IMMP2L: variants seen among roughly 807,000 people sequenced by gnomAD.
IMMP2L encodes the protein mitochondrial inner membrane protease subunit 2.
IMMP2L carries 18 observed loss-of-function variants against 19.3 expected under a neutral mutation model. The ratio of observed to expected loss-of-function variants is 0.93; its 90% CI spans 0.64 to 1.38. The LOEUF is 1.38. Among genes scored for constraint, IMMP2L ranks in the 40% most tolerant of loss-of-function variants. The pLI, the probability that IMMP2L is intolerant of heterozygous loss-of-function variation, is 0.00. For synonymous variants in IMMP2L, 76 were observed against 73.0 expected (o/e 1.04, Z -0.21); for missense variants, 233 against 218.2 (o/e 1.07, Z -0.43).
At chr7:111,108,155 AG>A (rs1798762177) in intron 3 of IMMP2L, among the ~76,000 whole-genome samples, 1 of 152,282 alleles carries the variant, frequency 6.6e-6, no homozygotes, top group East Asian at 1.9e-4. Flanking sequence ...AAAACCTCAC[AG>A]ATTGTTGATG....
intron 3 of IMMP2L, among the ~76,000 whole-genome samples, chr7:111,042,875 G>A (rs1445585786): frequency 1.3e-5 from 2 of 152,198 alleles, no homozygotes; most frequent in Non-Finnish European, 1.5e-5. Flanking sequence ...AAGGCTATAT[G>A]TCTTGAAAGG....
intron 5 of IMMP2L, among the ~76,000 whole-genome samples, chr7:110,804,528 C>G (rs975764235): frequency 3.3e-5 from 5 of 152,030 alleles, no homozygotes; most frequent in African/African-American, 1.2e-4. Context: ...CTGTGGCACA[C>G]TACTAGCTGT....
intron 3 of IMMP2L, among the ~76,000 whole-genome samples, chr7:111,126,150 G>A (rs1056111306): frequency 2.6e-5 from 4 of 151,946 alleles, no homozygotes; most frequent in African/African-American, 9.7e-5. Context: ...AGAAACTATT[G>A]CCAAATTTCA....
intron 3 of IMMP2L, among the ~76,000 whole-genome samples, chr7:111,032,727 C>G (rs1337362623): frequency 6.6e-6 from 1 of 152,098 alleles, no homozygotes; most frequent in Non-Finnish European, 1.5e-5. Context: ...GAGGCTGAGG[C>G]AGGAGAATTG....
chr7:111,339,130 A>G (rs1406139293), intron 3 of IMMP2L, among the ~76,000 whole-genome samples: 1 of 152,118 alleles, frequency 6.6e-6, no homozygotes, highest in Non-Finnish European at 1.5e-5. Flanking sequence ...AACAGAAGCA[A>G]CTGAATTATA....
rs138972285 is a variant in IMMP2L, at chr7:110,882,815, C to A, written c.408+3778G>T. Reference sequence around the variant, plus strand: ...AGAAGCATTATATAGGGGAAAAAATCAAAACAGGTATGACTAGATACTAAA... The same window carrying A: ...AGAAGCATTATATAGGGGAAAAAATAAAAACAGGTATGACTAGATACTAAA... On this transcript the variant is annotated intron_variant, in intron 5 of 5. Coordinates refer to ENST00000405709, the MANE Select transcript of IMMP2L (RefSeq NM_032549.4). 6.6e-5 allele frequency among the ~76,000 whole-genome samples: 10 copies of A among 150,946 alleles called. No individual in the cohort carries two copies. The East Asian group carries it at 1.8e-3, about 26-fold the overall frequency.
At chr7:111,507,704 A>G (rs1175201038) in intron 2 of IMMP2L, among the ~76,000 whole-genome samples, 1 of 152,152 alleles carries the variant, frequency 6.6e-6, no homozygotes, top group East Asian at 1.9e-4. Flanking sequence ...CTCTTGCTTC[A>G]TAACAAACCA....
At chr7:110,801,830 G>A (rs958141477) in intron 5 of IMMP2L, among the ~76,000 whole-genome samples, 2 of 152,080 alleles carry the variant, frequency 1.3e-5, no homozygotes, top group East Asian at 1.9e-4. Context: ...CAGATATTGG[G>A]TTGGGTGACA....
At chr7:111,482,161 T>C (rs944811864) in intron 3 of IMMP2L, among the ~76,000 whole-genome samples, 2 of 152,224 alleles carry the variant, frequency 1.3e-5, no homozygotes, top group South Asian at 2.1e-4. Flanking sequence ...TCAGTAACTA[T>C]AGGTGCTTGC....
chr7:111,236,625 T>C (rs377472721), intron 3 of IMMP2L, among the ~76,000 whole-genome samples: 1 of 152,124 alleles, frequency 6.6e-6, no homozygotes, highest in Non-Finnish European at 1.5e-5. Context: ...GAGGACCTTC[T>C]GCATATCTAT....
At chr7:111,482,647 C>T (rs1842291441) in intron 3 of IMMP2L, among the ~76,000 whole-genome samples, 1 of 152,130 alleles carries the variant, frequency 6.6e-6, no homozygotes, top group Admixed American at 6.5e-5. Context: ...AAAAAAAACC[C>T]ATGCCTGAAA....
chr7:111,507,157 G>T (rs1844995988), intron 2 of IMMP2L, among the ~76,000 whole-genome samples: 1 of 152,232 alleles, frequency 6.6e-6, no homozygotes, highest in East Asian at 1.9e-4. Context: ...TCTTAATAAA[G>T]AGTCTTCCAG....
intron 5 of IMMP2L, among the ~76,000 whole-genome samples, chr7:110,864,192 A>G (rs1203941359): frequency 1.3e-5 from 2 of 152,146 alleles, no homozygotes; most frequent in African/African-American, 4.8e-5. Context: ...GAAAAATACC[A>G]AAGTTCAGTG....
rs538549817 is a variant in IMMP2L, at chr7:111,501,393, C to G, written c.136-14052G>C. ...GGGAGAATGGAACCAACTTGGAAAA[C>G]ACTCTGCAGGATATTATCCAGGAGA... On this transcript the variant is annotated intron_variant, in intron 2 of 5. Transcript: ENST00000405709. Among the ~76,000 whole-genome samples the G allele has an allele frequency of 1.9e-3, 284 of 152,312 alleles. 1 individual carries two copies. Among genetic ancestry groups the G allele is most frequent in the African/African-American group, 3.0e-3 (125 of 41,566 alleles).
chr7:110,699,614 T>C (rs375181486), intron 5 of IMMP2L, among the ~76,000 whole-genome samples: 7 of 151,816 alleles, frequency 4.6e-5, no homozygotes, highest in Admixed American at 3.9e-4. Context: ...CTACTAAAAA[T>C]ACAAAAATTA....
chr7:111,196,033 G>A (rs1030458390), intron 3 of IMMP2L, among the ~76,000 whole-genome samples: 6 of 149,050 alleles, frequency 4.0e-5, no homozygotes, highest in African/African-American at 1.5e-4. Flanking sequence ...CACATCCACC[G>A]TTTTGTTTTG....
intron 3 of IMMP2L, among the ~76,000 whole-genome samples, chr7:111,474,842 A>G (rs1251134164): frequency 6.6e-6 from 1 of 152,084 alleles, no homozygotes; most frequent in Admixed American, 6.6e-5. Flanking sequence ...AGAATAATGA[A>G]TTTTTAATAA....
In IMMP2L at chr7:111,124,703, G is replaced by A. The variant is rs375417061; in HGVS notation, c.240-161138C>T. 6 of 1,613,764 alleles carry A rather than the reference G, an allele frequency of 3.7e-6. No homozygotes were observed. In the Admixed American group the frequency reaches 5.0e-5, roughly 13 times the overall value. On this transcript the variant is annotated intron_variant, in intron 3 of 5. Transcript: ENST00000405709. ...CTTCTGGGGATTATTGGTGTGATATGTCTTATCAGCTGCCTCTCTCCAGAA... is the reference window on the plus strand; with the variant it reads ...CTTCTGGGGATTATTGGTGTGATATATCTTATCAGCTGCCTCTCTCCAGAA...
At chr7:111,199,930 T>A (rs1809925953) in intron 3 of IMMP2L, among the ~76,000 whole-genome samples, 2 of 152,128 alleles carry the variant, frequency 1.3e-5, no homozygotes, top group Admixed American at 6.5e-5. Flanking sequence ...TTATTACATT[T>A]ATAATGAATG....
Sources: allele counts gnomAD v4.1 joint callset (sites outside exome capture counted in the v4.1 genomes callset), GRCh38; gene constraint gnomAD v4.1.1; transcripts MANE v1.5; gene names NCBI Gene and HGNC (gene_info 2026-07-23, HGNC 2026-07-21).